UTRN: variants seen among roughly 807,000 people sequenced by gnomAD.
The protein encoded by UTRN is dystrophin-related protein 1.
A neutral mutation model predicts 463.9 loss-of-function variants in UTRN; 283 were observed. The observed-to-expected ratio is 0.61, with a 90% CI of 0.55 to 0.67. The LOEUF (loss-of-function observed/expected upper bound fraction) is 0.67, where lower values mean the gene tolerates loss of function less well. Among genes scored for constraint, UTRN ranks in the 30% least tolerant of loss-of-function variants. The pLI is 0.00. For missense variants in UTRN, 3,922 were observed against 4,084.3 expected (o/e 0.96, Z 1.08); for synonymous variants, 1,442 against 1,431.5 (o/e 1.01, Z -0.17).
In UTRN at chr6:144,553,186, T is replaced by A. The variant is rs375775576; in HGVS notation, c.6929-1502T>A. 3.9e-5 allele frequency among the ~76,000 whole-genome samples: 6 copies of A among 152,064 alleles called. No homozygotes were observed. In the East Asian group the frequency reaches 1.2e-3, roughly 29 times the overall value. ...CCAAGTAGCTGGGATTACAGGCACC[T>A]GCCACCATGCCCAGCTAATTTTTAT... On this transcript the variant is annotated intron_variant, in intron 48 of 74. Coordinates refer to ENST00000367545, the MANE Select transcript of UTRN (RefSeq NM_007124.3).
intron 65 of UTRN, among the ~76,000 whole-genome samples, chr6:144,816,715 T>C (rs1436247379): frequency 6.6e-6 from 1 of 151,052 alleles, no homozygotes; most frequent in Non-Finnish European, 1.5e-5. Context: ...GCACGTGCTG[T>C]CATGCCTAGC....
At chr6:144,753,998 A>G (rs1469850029) in intron 56 of UTRN, among the ~76,000 whole-genome samples, 1 of 152,160 alleles carries the variant, frequency 6.6e-6, no homozygotes, top group Non-Finnish European at 1.5e-5. Flanking sequence ...TTTGGAGGAA[A>G]ATAAGATGTT....
chr6:144,602,876 G>A (rs934079770), intron 51 of UTRN, among the ~76,000 whole-genome samples: 3 of 152,114 alleles, frequency 2.0e-5, no homozygotes, highest in Non-Finnish European at 2.9e-5. Context: ...ATTTTTCTTA[G>A]ACATAATGCT....
rs560581181 is a variant in UTRN at position 144,347,837 on chromosome 6, G to GTTTTTT, written c.80-55279_80-55274dup. The stretch of plus-strand genomic sequence containing the variant: ...TCTCCTGAACTGTGGCTTATTCTTT[G>GTTTTTT]TTTTTTTTTTTTGTTTTTTTTTTTG... On this transcript the variant is annotated intron_variant, in intron 2 of 74. Transcript: ENST00000367545. Among the ~76,000 whole-genome samples the GTTTTTT allele has an allele frequency of 8.8e-4, 114 of 128,888 alleles. 14 individuals carry two copies. Among genetic ancestry groups the GTTTTTT allele is most frequent in the African/African-American group, 3.6e-3 (106 of 29,460 alleles). The allele number at this position is 128,888 out of a possible 152,430, so 84.6% of individuals were successfully genotyped here.
At chr6:144,514,080 T>A in intron 36 of UTRN, 43 bp downstream of exon 36, 1 of 1,610,028 alleles carries the variant, frequency 6.2e-7, no homozygotes, top group East Asian at 2.2e-5. Context: ...GAGTGGCATG[T>A]TTTGTTGTCA....
intron 51 of UTRN, among the ~76,000 whole-genome samples, chr6:144,594,530 T>C (rs1803448821): frequency 6.6e-6 from 1 of 152,208 alleles, no homozygotes; most frequent in Admixed American, 6.5e-5. Context: ...ATAAACCAAA[T>C]TTCAATTTTT....
chr6:144,382,726 A>T (rs1190314278), intron 2 of UTRN, among the ~76,000 whole-genome samples: 1 of 152,194 alleles, frequency 6.6e-6, no homozygotes, highest in Non-Finnish European at 1.5e-5. Context: ...GGCTGTTGGG[A>T]TCAAATGAGA....
At chr6:144,292,190 A>G (rs1436050338) in intron 2 of UTRN, among the ~76,000 whole-genome samples, 1 of 152,124 alleles carries the variant, frequency 6.6e-6, no homozygotes, top group African/African-American at 2.4e-5. Context: ...ATAAAATACG[A>G]CCGAACATTT....
chr6:144,373,969 G>A (rs1410063808), intron 2 of UTRN, among the ~76,000 whole-genome samples: 3 of 152,148 alleles, frequency 2.0e-5, no homozygotes, highest in Admixed American at 6.5e-5. Flanking sequence ...ATTACCGTGG[G>A]TGTATGTGTT....
At chr6:144,426,199 A>T (rs1584736104) in intron 6 of UTRN, 88 bp from the exon 7 acceptor site, 2 of 1,479,720 alleles carry the variant, frequency 1.4e-6, no homozygotes, top group East Asian at 4.6e-5. Flanking sequence ...AATTAGTGCA[A>T]TATTGCTTTT....
At chr6:144,748,114 A>G (rs1001412040) in intron 54 of UTRN, 132 bp from the exon 55 acceptor site, 1 of 1,206,362 alleles carries the variant, frequency 8.3e-7, no homozygotes, top group South Asian at 1.7e-5. Context: ...ACCCTGGACA[A>G]TTTTTACCCT....
At chr6:144,463,742 A>G (rs1789644442) in intron 23 of UTRN, among the ~76,000 whole-genome samples, 1 of 151,378 alleles carries the variant, frequency 6.6e-6, no homozygotes, top group African/African-American at 2.4e-5. Flanking sequence ...TCCAATCAAT[A>G]TTTTTCAACG....
At chr6:144,444,442 T>TCTAAA in intron 14 of UTRN, 60 bp downstream of exon 14, 1 of 1,335,732 alleles carries the variant, frequency 7.5e-7, no homozygotes, top group Non-Finnish European at 1.0e-6. Flanking sequence ...CATCTTTTAT[T>TCTAAA]GTGACTTTAG....
At chr6:144,593,622 A>C (rs1803344135) in intron 51 of UTRN, among the ~76,000 whole-genome samples, 1 of 152,130 alleles carries the variant, frequency 6.6e-6, no homozygotes, top group South Asian at 2.1e-4. Flanking sequence ...AATTCCAAGA[A>C]CTCAGCCATG....
At chr6:144,505,301 A>AGCTTTTG (rs1794605020) in intron 34 of UTRN, among the ~76,000 whole-genome samples, 1 of 151,988 alleles carries the variant, frequency 6.6e-6, no homozygotes, top group Non-Finnish European at 1.5e-5. Context: ...GTCTTCTGCT[A>AGCTTTTG]GCTTTTGAAT....
chr6:144,484,866 C>G (rs1302814545), intron 27 of UTRN, among the ~76,000 whole-genome samples: 1 of 152,080 alleles, frequency 6.6e-6, no homozygotes, highest in Non-Finnish European at 1.5e-5. Context: ...CTTGCCCACT[C>G]TTTGCTCCCC....
At chr6:144,556,286 G>A (rs1165769282) in intron 49 of UTRN, among the ~76,000 whole-genome samples, 3 of 152,184 alleles carry the variant, frequency 2.0e-5, no homozygotes, top group Admixed American at 2.0e-4. Flanking sequence ...AGTTTTAAAA[G>A]CAAGTGGCCA....
chr6:144,681,680 ATC>A (rs1172267796), intron 52 of UTRN, among the ~76,000 whole-genome samples: 1 of 152,086 alleles, frequency 6.6e-6, no homozygotes, highest in African/African-American at 2.4e-5. Flanking sequence ...CAAGGAACTC[ATC>A]TGTGAAGGGA....
At chr6:144,545,190 T>G (rs1562552804) in intron 46 of UTRN, among the ~76,000 whole-genome samples, 1 of 152,206 alleles carries the variant, frequency 6.6e-6, no homozygotes, top group Non-Finnish European at 1.5e-5. Context: ...TGAACACCCT[T>G]ATCTTTCTAT....
Sources: allele counts gnomAD v4.1 joint callset (sites outside exome capture counted in the v4.1 genomes callset), GRCh38; gene constraint gnomAD v4.1.1; transcripts MANE v1.5; gene names NCBI Gene and HGNC (gene_info 2026-07-23, HGNC 2026-07-21).